Variants in SEL1L observed in about 807,000 individuals in gnomAD.
SEL1L encodes protein sel-1 homolog 1.
In SEL1L, 52 loss-of-function variants were observed where a neutral mutation model predicts 109.8. The observed-to-expected ratio is 0.47, with a 90% CI of 0.38 to 0.60. The LOEUF (loss-of-function observed/expected upper bound fraction) is 0.60. SEL1L is among the 20% of genes least tolerant of loss of function. The pLI is 0.00. For synonymous variants in SEL1L, 373 were observed against 339.6 expected (o/e 1.10, Z -1.08); for missense variants, 749 against 962.2 (o/e 0.78, Z 2.93).
intron 15 of SEL1L, 150 bp downstream of exon 15, chr14:81,487,705 T>G (rs1189500795): frequency 3.3e-6 from 5 of 1,496,040 alleles, no homozygotes; most frequent in Non-Finnish European, 3.5e-6. Flanking sequence ...TAATTTACAA[T>G]GAAAAACAAG....
intron 3 of SEL1L, among the ~76,000 whole-genome samples, chr14:81,515,224 A>G (rs1884653764): frequency 6.6e-6 from 1 of 152,168 alleles, no homozygotes; most frequent in South Asian, 2.1e-4. Flanking sequence ...ACCTGGGTAC[A>G]TGTCCCCTCC....
chr14:81,497,812 T>C, intron 10 of SEL1L, 80 bp downstream of exon 10: 2 of 1,291,684 alleles, frequency 1.5e-6, no homozygotes, highest in Non-Finnish European at 2.2e-6. Flanking sequence ...AACTTACAGA[T>C]ATAAGTGCTT....
At chr14:81,513,698 C>T (rs988068060) in intron 3 of SEL1L, among the ~76,000 whole-genome samples, 18 of 152,160 alleles carry the variant, frequency 1.2e-4, no homozygotes, top group Non-Finnish European at 2.1e-4. Flanking sequence ...AAGCGACTAG[C>T]GCGGCCGCCG....
intron 4 of SEL1L, among the ~76,000 whole-genome samples, chr14:81,505,031 G>A (rs1352922830): frequency 1.3e-5 from 2 of 152,126 alleles, no homozygotes; most frequent in African/African-American, 4.8e-5. Context: ...TTTCCTTACA[G>A]CAGTGTGAGA....
rs35474067 is a variant in SEL1L at position 81,510,514 on chromosome 14, C to CTCTCTATA, written c.341-4274_341-4273insTATAGAGA. 2.0e-3 allele frequency among the ~76,000 whole-genome samples: 207 copies of CTCTCTATA among 104,066 alleles called. 1 individual carries two copies. Among genetic ancestry groups the CTCTCTATA allele is most frequent in the East Asian group, 4.7e-3 (15 of 3,220 alleles). The allele number at this position is 104,066 out of a possible 152,430, so 68.3% of individuals were successfully genotyped here. On this transcript the variant is annotated intron_variant, in intron 3 of 20. Coordinates refer to ENST00000336735, the MANE Select transcript of SEL1L (RefSeq NM_005065.6). ...TCTCTCTCTCTCTCTCTCTCTCTCT[C>CTCTCTATA]TATATATATATATATAGACAATTAA...
Position 81,499,678 on chromosome 14 carries a change from AAAGT to A in SEL1L, c.778-20_778-17del. 1.3e-6 allele frequency: 2 copies of A among 1,596,546 alleles called. No individual in the cohort carries two copies. The highest frequency in any genetic ancestry group is 1.7e-6 in the Non-Finnish European group (2 of 1,175,172). On this transcript the variant is annotated splice_polypyrimidine_tract_variant and intron_variant, in intron 6 of 20. Transcript: ENST00000336735. Reference sequence around the variant, plus strand: ...AGCCAAGAGCCTGAAATAGATGATAAAAGTAAGAAATCTTGCTTTGGTGAAGGTT... The same window carrying A: ...AGCCAAGAGCCTGAAATAGATGATAAAAGAAATCTTGCTTTGGTGAAGGTT...
chr14:81,482,402 G>A (rs776582950), intron 19 of SEL1L, among the ~76,000 whole-genome samples: 1 of 152,012 alleles, frequency 6.6e-6, no homozygotes, highest in Middle Eastern at 3.2e-3. Flanking sequence ...AAGTCAGCTG[G>A]GTGCAGGGGC....
chr14:81,525,359 C>T (rs558909935), intron 3 of SEL1L, among the ~76,000 whole-genome samples: 3 of 149,860 alleles, frequency 2.0e-5, no homozygotes, highest in East Asian at 2.0e-4. Context: ...GAACTATGAT[C>T]GTGCCACTGC....
intron 3 of SEL1L, among the ~76,000 whole-genome samples, chr14:81,514,434 T>C (rs1182230899): frequency 6.6e-6 from 1 of 152,156 alleles, no homozygotes; most frequent in Non-Finnish European, 1.5e-5. Flanking sequence ...AGGAGAATGC[T>C]TAGGACTCTA....
At chr14:81,512,728 T>A (rs933524758) in intron 3 of SEL1L, among the ~76,000 whole-genome samples, 10 of 152,384 alleles carry the variant, frequency 6.6e-5, no homozygotes, top group African/African-American at 2.4e-4. Flanking sequence ...GATTTTTTTA[T>A]TTACAACAAA....
chr14:81,480,438 C>G (rs1903316501), intron 19 of SEL1L, among the ~76,000 whole-genome samples: 1 of 152,196 alleles, frequency 6.6e-6, no homozygotes, highest in Non-Finnish European at 1.5e-5. Flanking sequence ...ATCCGCCCGC[C>G]TCAGCCTCCC....
At chr14:81,517,533 C>T (rs1595531309) in intron 3 of SEL1L, among the ~76,000 whole-genome samples, 3 of 152,274 alleles carry the variant, frequency 2.0e-5, no homozygotes, top group South Asian at 4.1e-4. Flanking sequence ...TATCCTCCCC[C>T]ACCTCCCTTC....
Position 81,492,431 on chromosome 14 carries a change from T to C in SEL1L, c.1254+49A>G, listed in dbSNP as rs371298075. ...TCCTGAACACAATACATGCTAATTA[T>C]GCAAACACCTCTTGCTATTACATAA... On this transcript the variant is annotated intron_variant, in intron 12 of 20. Transcript: ENST00000336735. The C allele has an allele frequency of 1.4e-5, 18 of 1,299,372 alleles. No homozygotes were observed. The African/African-American group carries it at 2.3e-4, about 17-fold the overall frequency. 80.5% of individuals were successfully genotyped at this position (1,299,372 alleles called of 1,614,324 possible).
At chr14:81,505,138 G>C (rs1377699335) in intron 4 of SEL1L, among the ~76,000 whole-genome samples, 2 of 152,090 alleles carry the variant, frequency 1.3e-5, no homozygotes, top group African/African-American at 4.8e-5. Flanking sequence ...GGACACTTTA[G>C]CTCTATTGGA....
At chr14:81,514,071 G>C (rs1884598823) in intron 3 of SEL1L, among the ~76,000 whole-genome samples, 1 of 152,162 alleles carries the variant, frequency 6.6e-6, no homozygotes, top group African/African-American at 2.4e-5. Context: ...TGCTTTTCTA[G>C]TTTCTCCTAT....
At chr14:81,519,522 T>C (rs1884830063) in intron 3 of SEL1L, among the ~76,000 whole-genome samples, 1 of 152,156 alleles carries the variant, frequency 6.6e-6, no homozygotes. Context: ...AAGAGTTAGT[T>C]AAAGAGACAG....
chr14:81,524,457 A>C (rs940062480), intron 3 of SEL1L, among the ~76,000 whole-genome samples: 1 of 152,374 alleles, frequency 6.6e-6, no homozygotes, highest in South Asian at 2.1e-4. Flanking sequence ...TAGAATAAAC[A>C]GCAGATAATG....
intron 3 of SEL1L, among the ~76,000 whole-genome samples, chr14:81,522,102 G>T (rs1884929689): frequency 6.6e-6 from 1 of 152,102 alleles, no homozygotes; most frequent in Non-Finnish European, 1.5e-5. Flanking sequence ...TCTACAATGT[G>T]TTTGTATTTT....
Position 81,476,865 on chromosome 14 carries a change from G to T in SEL1L, c.*107C>A. 9.5e-7 allele frequency: 1 copy of T among 1,052,856 alleles called. No individual in the cohort carries two copies. The highest frequency in any genetic ancestry group is 1.4e-6 in the Non-Finnish European group (1 of 728,172). The allele number at this position is 1,052,856 out of a possible 1,614,324, so 65.2% of individuals were successfully genotyped here. On this transcript the variant is annotated 3_prime_UTR_variant, in exon 21 of 21. Coordinates refer to ENST00000336735, the MANE Select transcript of SEL1L (RefSeq NM_005065.6). ...GGAATTCAATGCTTCCTTGTGCCGT[G>T]CCTCTTCTGGGAGGTGACCACTGAT...
Sources: allele counts gnomAD v4.1 joint callset (sites outside exome capture counted in the v4.1 genomes callset), GRCh38; gene constraint gnomAD v4.1.1; transcripts MANE v1.5; gene names NCBI Gene and HGNC (gene_info 2026-07-23, HGNC 2026-07-21).